The following PLB1 variants were observed in gnomAD, a reference collection of about 807,000 sequenced individuals.
PLB1 encodes the protein phospholipase B1, also known as phospholipase B1, membrane-associated.
A neutral mutation model predicts 227.4 loss-of-function variants in PLB1; 242 were observed. The observed-to-expected ratio is 1.06, with a 90% CI of 0.96 to 1.18. PLB1 has a LOEUF of 1.18. Ranked by LOEUF, PLB1 falls within the 50% of genes most tolerant of loss-of-function variation. The pLI is 0.00. For missense variants in PLB1, 1,858 were observed against 1,816.3 expected (o/e 1.02, Z -0.42); for synonymous variants, 757 against 682.2 (o/e 1.11, Z -1.71).
At chr2:28,524,184 C>T (rs973252318) in intron 4 of PLB1, among the ~76,000 whole-genome samples, 3 of 152,106 alleles carry the variant, frequency 2.0e-5, no homozygotes, top group Non-Finnish European at 2.9e-5. Context: ...GTAGGTGACG[C>T]GGTGTAGCTG....
chr2:28,526,332 G>T (rs141206362), intron 6 of PLB1, among the ~76,000 whole-genome samples: 3 of 152,098 alleles, frequency 2.0e-5, no homozygotes, highest in Non-Finnish European at 4.4e-5. Context: ...CACCCAAGGG[G>T]AGGACCCAGC....
chr2:28,586,867 TC>T (rs1431143332), intron 26 of PLB1, among the ~76,000 whole-genome samples: 1 of 152,014 alleles, frequency 6.6e-6, no homozygotes, highest in Non-Finnish European at 1.5e-5. Flanking sequence ...CCCGCCTCAG[TC>T]CCCCAAGTAG....
chr2:28,596,089 G>T (rs1280984026), intron 33 of PLB1: 1 of 152,160 alleles, frequency 6.6e-6, no homozygotes, highest in Non-Finnish European at 1.5e-5. Context: ...TTAACTAGGG[G>T]GTCAATCTCA....
intron 56 of PLB1, among the ~76,000 whole-genome samples, chr2:28,636,007 A>ATGTG (rs1689268223): frequency 9.2e-6 from 1 of 108,914 alleles, no homozygotes; most frequent in Non-Finnish European, 2.0e-5. Flanking sequence ...ATGTATGTGT[A>ATGTG]TGTATGTATG....
intron 4 of PLB1, among the ~76,000 whole-genome samples, chr2:28,520,002 G>A (rs903311314): frequency 3.3e-5 from 5 of 151,930 alleles, no homozygotes; most frequent in African/African-American, 9.7e-5. Context: ...AACCTTGGCT[G>A]ACCACAACCT....
chr2:28,590,108 G>A lies in PLB1; in HGVS notation c.2088+32G>A, dbSNP rs200017455. On this transcript the variant is annotated intron_variant, in intron 29 of 57. Transcript: ENST00000327757. ...TGGAAAGCACGTCCTTCCAGGCTCC[G>A]GCTGCACTGGGCTTCTTGGCTCATT... 2.5e-5 allele frequency: 39 copies of A among 1,547,640 alleles called. No homozygotes were observed. In the East Asian group the frequency reaches 3.4e-4, roughly 13 times the overall value.
intron 19 of PLB1, among the ~76,000 whole-genome samples, chr2:28,566,142 C>T (rs139901006): frequency 6.6e-6 from 1 of 152,166 alleles, no homozygotes; most frequent in Non-Finnish European, 1.5e-5. Flanking sequence ...CCTGCTTTAA[C>T]CTGAGTGCCG....
chr2:28,555,204 T>C (rs935959588), intron 17 of PLB1, among the ~76,000 whole-genome samples: 1 of 142,228 alleles, frequency 7.0e-6, no homozygotes, highest in Non-Finnish European at 1.5e-5. Context: ...TGAAGTGGCG[T>C]GATTTCCGCT....
chr2:28,544,393 T>A (rs371232573), intron 14 of PLB1, among the ~76,000 whole-genome samples: 162 of 152,292 alleles, frequency 1.1e-3, no homozygotes, highest in African/African-American at 3.6e-3. Context: ...GGCTGATGAT[T>A]CCAGCTCAGC....
intron 38 of PLB1, among the ~76,000 whole-genome samples, chr2:28,602,374 A>G (rs1313158381): frequency 6.6e-6 from 1 of 152,188 alleles, no homozygotes; most frequent in East Asian, 1.9e-4. Context: ...CACCACCACC[A>G]TCTTCTGGCA....
intron 47 of PLB1, 84 bp from the exon 48 acceptor site, chr2:28,620,515 CG>C (rs1686885578): frequency 1.3e-6 from 2 of 1,495,992 alleles, no homozygotes; most frequent in Non-Finnish European, 1.8e-6. Flanking sequence ...GCCCAGAACC[CG>C]GTTCCGGTTC....
intron 46 of PLB1, 104 bp downstream of exon 46, chr2:28,618,503 C>G (rs528519831): frequency 1.6e-6 from 2 of 1,222,706 alleles, no homozygotes; most frequent in Non-Finnish European, 2.4e-6. Flanking sequence ...GTGCTGAGCC[C>G]GTGTTACTGA....
rs530145182 is a variant in PLB1 at position 28,515,454 on chromosome 2, C to T, written c.56-1354C>T. ...ACTTCTATGCCTTCCCGTCATGTGGCCCTTTCTGCCCAGAAAGCTTGCTTC... is the reference window on the plus strand; with the variant it reads ...ACTTCTATGCCTTCCCGTCATGTGGTCCTTTCTGCCCAGAAAGCTTGCTTC... On this transcript the variant is annotated intron_variant, in intron 1 of 57. Transcript: ENST00000327757. Among the ~76,000 whole-genome samples the T allele has an allele frequency of 7.9e-5, 12 of 152,284 alleles. No homozygotes were observed. In the South Asian group the frequency reaches 2.3e-3, roughly 29 times the overall value.
At chr2:28,513,657 A>G (rs138296683) in intron 1 of PLB1, among the ~76,000 whole-genome samples, 47 of 152,340 alleles carry the variant, frequency 3.1e-4, no homozygotes, top group African/African-American at 1.0e-3. Flanking sequence ...AGACACTTGC[A>G]CGCAGGCACA....
At chr2:28,636,018 AATGTGTGTGT>A (rs1405760234) in intron 56 of PLB1, among the ~76,000 whole-genome samples, 6 of 53,956 alleles carry the variant, frequency 1.1e-4, no homozygotes, top group African/African-American at 1.4e-4. Flanking sequence ...TGTATGTATG[AATGTGTGTGT>A]ATGTGTGTGT....
intron 52 of PLB1, 101 bp from the exon 53 acceptor site, chr2:28,628,993 T>C (rs1213418366): frequency 2.6e-5 from 25 of 959,732 alleles, no homozygotes; most frequent in African/African-American, 4.9e-5. Flanking sequence ...AGTTTCTTCA[T>C]TGGTAAAATT....
At chr2:28,563,351 G>T (rs990361938) in intron 18 of PLB1, among the ~76,000 whole-genome samples, 1 of 152,134 alleles carries the variant, frequency 6.6e-6, no homozygotes, top group Admixed American at 6.5e-5. Context: ...AGAGCAGGAA[G>T]TGGAGGGACC....
intron 25 of PLB1, among the ~76,000 whole-genome samples, chr2:28,585,350 A>ACTGCAACCTCCGCCTCC (rs1680730270): frequency 6.6e-6 from 1 of 151,186 alleles, no homozygotes; most frequent in Non-Finnish European, 1.5e-5. Context: ...ATCTCGGCTC[A>ACTGCAACCTCCGCCTCC]CTGCAACCTC....
At chr2:28,606,374 TG>T in intron 42 of PLB1, 121 bp from the exon 43 acceptor site, 1 of 950,838 alleles carries the variant, frequency 1.1e-6, no homozygotes, top group Non-Finnish European at 1.6e-6. Flanking sequence ...GAGCCAGAAG[TG>T]GGAGCCAAGC....
Sources: gnomAD v4.1 joint callset for allele counts (sites outside exome capture counted in the v4.1 genomes callset) on GRCh38, gnomAD v4.1.1 for gene constraint, MANE v1.5 for transcripts, NCBI Gene and HGNC (gene_info 2026-07-23, HGNC 2026-07-21) for gene names.